Variants in COL26A1 observed in about 807,000 individuals in gnomAD.
The protein encoded by COL26A1 is collagen type XXVI alpha 1 chain.
In COL26A1, 41 loss-of-function variants were observed where a neutral mutation model predicts 59.3. The observed-to-expected ratio is 0.69, with a 90% CI of 0.54 to 0.90. COL26A1 has a LOEUF of 0.90. COL26A1 is among the 40% of genes least tolerant of loss of function. COL26A1 has a pLI of 0.00. For synonymous variants in COL26A1, 266 were observed against 256.0 expected (o/e 1.04, Z -0.37); for missense variants, 612 against 602.3 (o/e 1.02, Z -0.17).
intron 10 of COL26A1, among the ~76,000 whole-genome samples, chr7:101,553,039 C>A (rs979956439): frequency 6.6e-6 from 1 of 152,224 alleles, no homozygotes; most frequent in East Asian, 1.9e-4. Context: ...CATGAACTTG[C>A]CGGCTTCCTA....
chr7:101,396,161 G>C (rs1293648219), intron 1 of COL26A1, among the ~76,000 whole-genome samples: 1 of 152,080 alleles, frequency 6.6e-6, no homozygotes, highest in Non-Finnish European at 1.5e-5. Context: ...CAGCTACTGG[G>C]GAGGGTGAGG....
chr7:101,378,255 C>T (rs911752468), intron 1 of COL26A1, among the ~76,000 whole-genome samples: 11 of 152,078 alleles, frequency 7.2e-5, no homozygotes, highest in Non-Finnish European at 1.3e-4. Context: ...TGGTGCATGG[C>T]TGTAATCCCA....
intron 2 of COL26A1, among the ~76,000 whole-genome samples, chr7:101,440,970 C>T (rs542864445): frequency 1.9e-4 from 25 of 130,458 alleles, no homozygotes; most frequent in Non-Finnish European, 3.7e-4. Flanking sequence ...AGAGAGACTC[C>T]GTCTCAAAAA....
At chr7:101,423,893 A>T (rs1232984905) in intron 2 of COL26A1, among the ~76,000 whole-genome samples, 3 of 152,082 alleles carry the variant, frequency 2.0e-5, no homozygotes, top group Non-Finnish European at 4.4e-5. Flanking sequence ...ACATATAACT[A>T]GTGGGAACCT....
At chr7:101,409,854 G>A (rs758612179) in intron 1 of COL26A1, among the ~76,000 whole-genome samples, 6 of 151,976 alleles carry the variant, frequency 3.9e-5, no homozygotes, top group African/African-American at 1.5e-4. Flanking sequence ...TCCACCTCCC[G>A]GGTTCATGCC....
chr7:101,363,257 C>T (rs1446737960), intron 1 of COL26A1, 67 bp downstream of exon 1: 4 of 1,258,566 alleles, frequency 3.2e-6, no homozygotes, highest in Non-Finnish European at 4.1e-6. Flanking sequence ...GCCCTGGCCA[C>T]TGGGTGGCTG....
intron 1 of COL26A1, among the ~76,000 whole-genome samples, chr7:101,372,950 G>A (rs1022213238): frequency 7.2e-5 from 11 of 152,298 alleles, no homozygotes; most frequent in South Asian, 4.1e-4. Context: ...AACTATGATC[G>A]TGCCACTGCA....
upstream of COL26A1, among the ~76,000 whole-genome samples, chr7:101,362,551 C>A (rs1355168977): frequency 6.6e-6 from 1 of 152,162 alleles, no homozygotes; most frequent in Admixed American, 6.5e-5. Context: ...ATGGGACCAT[C>A]GAGGGCAGTG....
chr7:101,445,038 A>G (rs1029076264), intron 2 of COL26A1, among the ~76,000 whole-genome samples: 2 of 141,448 alleles, frequency 1.4e-5, no homozygotes, highest in Non-Finnish European at 1.6e-5. Flanking sequence ...ACAGGGTTTC[A>G]CCATGTTGGC....
chr7:101,537,050 C>T (rs564603557), intron 4 of COL26A1, among the ~76,000 whole-genome samples: 2 of 152,228 alleles, frequency 1.3e-5, no homozygotes, highest in Non-Finnish European at 2.9e-5. Context: ...CTGCCTGGCT[C>T]AGGCTGGTCC....
chr7:101,459,352 G>A (rs1166628412), intron 3 of COL26A1, among the ~76,000 whole-genome samples: 1 of 152,132 alleles, frequency 6.6e-6, no homozygotes, highest in African/African-American at 2.4e-5. Flanking sequence ...AGGCTGGAGT[G>A]CAGTGGCACG....
upstream of COL26A1, chr7:101,362,690 G>A (rs1790917583): frequency 2.8e-6 from 1 of 354,164 alleles, no homozygotes; most frequent in East Asian, 6.7e-5. Flanking sequence ...GCCTGGGCGC[G>A]AGGTCTGGCT....
At chr7:101,457,409 A>T (rs1793497207) in intron 3 of COL26A1, among the ~76,000 whole-genome samples, 1 of 152,200 alleles carries the variant, frequency 6.6e-6, no homozygotes, top group Admixed American at 6.5e-5. Context: ...TCAGGCACCT[A>T]TAATTCTAAT....
intron 2 of COL26A1, among the ~76,000 whole-genome samples, chr7:101,430,567 G>A (rs1792756003): frequency 6.6e-6 from 1 of 151,736 alleles, no homozygotes; most frequent in African/African-American, 2.4e-5. Flanking sequence ...GGGATTATAG[G>A]TGTGAGTCAC....
intron 4 of COL26A1, among the ~76,000 whole-genome samples, chr7:101,536,690 A>C (rs1381780936): frequency 6.6e-6 from 1 of 152,234 alleles, no homozygotes; most frequent in African/African-American, 2.4e-5. Context: ...GGAAGGAGGC[A>C]AATGAGAGAA....
chr7:101,506,858 G>T (rs1794822046), intron 3 of COL26A1, among the ~76,000 whole-genome samples: 1 of 151,922 alleles, frequency 6.6e-6, no homozygotes, highest in Admixed American at 6.6e-5. Flanking sequence ...CCTCTTAGGT[G>T]TGCTGTCTGC....
At chr7:101,486,277 G>C (rs2410849) in intron 3 of COL26A1, among the ~76,000 whole-genome samples, 1 of 138,460 alleles carries the variant, frequency 7.2e-6, no homozygotes, top group African/African-American at 2.5e-5. Context: ...AACAGACAGC[G>C]ATCTTCAGTT....
chr7:101,480,671 G>A (rs1424911533), intron 3 of COL26A1, among the ~76,000 whole-genome samples: 1 of 151,814 alleles, frequency 6.6e-6, no homozygotes, highest in Non-Finnish European at 1.5e-5. Flanking sequence ...CAGCTTTTTG[G>A]GGGGTATTTT....
In COL26A1 at chr7:101,423,897, G is replaced by A. The variant is rs188924572; in HGVS notation, c.281+3798G>A. 1.8e-3 allele frequency among the ~76,000 whole-genome samples: 271 copies of A among 152,180 alleles called. 2 individuals are homozygous for A. The highest frequency in any genetic ancestry group is 6.1e-3 in the African/African-American group (253 of 41,524). ...CTTTGCCTATAACATATAACTAGTG[G>A]GAACCTTGCTAATTAAAACAATTTG... is the stretch of plus-strand genomic sequence containing the variant. On this transcript the variant is annotated intron_variant, in intron 2 of 12. Coordinates refer to ENST00000313669, the MANE Select transcript of COL26A1 (RefSeq NM_001278563.3).
Sources: allele counts gnomAD v4.1 joint callset (sites outside exome capture counted in the v4.1 genomes callset), GRCh38; gene constraint gnomAD v4.1.1; transcripts MANE v1.5; gene names NCBI Gene and HGNC (gene_info 2026-07-23, HGNC 2026-07-21).